CDH13: variants seen among roughly 807,000 people sequenced by gnomAD.
CDH13 encodes cadherin-13.
CDH13 carries 24 observed loss-of-function variants against 63.8 expected under a neutral mutation model. The ratio of observed to expected loss-of-function variants is 0.38; its 90% CI spans 0.27 to 0.53. CDH13 has a LOEUF of 0.53. CDH13 is among the 20% of genes least tolerant of loss of function. The pLI is 0.85. For synonymous variants in CDH13, 503 were observed against 355.3 expected (o/e 1.42, Z -4.67); for missense variants, 1,049 against 903.1 (o/e 1.16, Z -2.07).
intron 8 of CDH13, among the ~76,000 whole-genome samples, chr16:83,615,277 A>T (rs1909192108): frequency 1.3e-5 from 2 of 152,026 alleles, no homozygotes; most frequent in Non-Finnish European, 2.9e-5. Context: ...AACCCCGACC[A>T]CGTAATTACA....
intron 6 of CDH13, among the ~76,000 whole-genome samples, chr16:83,416,344 A>C (rs529047449): frequency 6.6e-6 from 1 of 152,316 alleles, no homozygotes; most frequent in East Asian, 1.9e-4. Flanking sequence ...GATTTAATGC[A>C]ATCAGAATTT....
rs142360751 is a variant in CDH13 at position 83,162,862 on chromosome 16, G to C, written c.483+37361G>C. Among the ~76,000 whole-genome samples the C allele has an allele frequency of 9.9e-4, 150 of 152,214 alleles. 2 individuals carry two copies. In the South Asian group the frequency reaches 0.011, roughly 11 times the overall value. ...TGTTATAGCTGGATTGGGGACTGTT[G>C]AGATGCCTAAATCCCCAACTTGTAG... On this transcript the variant is annotated intron_variant, in intron 4 of 13. Coordinates refer to ENST00000567109, the MANE Select transcript of CDH13 (RefSeq NM_001257.5).
intron 7 of CDH13, among the ~76,000 whole-genome samples, chr16:83,511,093 CAT>C (rs2074548068): frequency 2.3e-5 from 1 of 43,294 alleles, no homozygotes; most frequent in South Asian, 6.1e-4. Context: ...TGCACACACA[CAT>C]GCACACATGC....
In CDH13 at chr16:83,505,531, C is replaced by CT. The variant is rs5818453; in HGVS notation, c.960+18904dup. On this transcript the variant is annotated intron_variant, in intron 7 of 13. Transcript: ENST00000567109. ...AAGCTGATGAGGTTTGTGATTAATC[C>CT]TTTTTTTTTTTTTTTTTTTTTTTTT... 2.1e-4 allele frequency among the ~76,000 whole-genome samples: 20 copies of CT among 97,378 alleles called. 1 individual carries two copies. The highest frequency in any genetic ancestry group is 3.4e-4 in the African/African-American group (8 of 23,854). The allele number at this position is 97,378 out of a possible 152,430, so 63.9% of individuals were successfully genotyped here. A position where few individuals can be genotyped will look rare whatever the true frequency, so the allele number is the denominator to read the frequency against.
chr16:83,232,252 C>T (rs1218218129), intron 5 of CDH13, among the ~76,000 whole-genome samples: 4 of 125,404 alleles, frequency 3.2e-5, no homozygotes, highest in Admixed American at 1.9e-4. Flanking sequence ...AGGCTGGGCA[C>T]GGTGGCTCAT....
intron 6 of CDH13, among the ~76,000 whole-genome samples, chr16:83,418,069 T>A (rs975703081): frequency 6.6e-6 from 1 of 152,188 alleles, no homozygotes; most frequent in Non-Finnish European, 1.5e-5. Context: ...CAGTAGAACA[T>A]GGCAGTTAGG....
intron 7 of CDH13, among the ~76,000 whole-genome samples, chr16:83,549,381 A>G (rs1177716777): frequency 1.3e-5 from 2 of 152,212 alleles, no homozygotes; most frequent in South Asian, 2.1e-4. Context: ...AGAAAGTACC[A>G]CATCAGCGTT....
intron 6 of CDH13, among the ~76,000 whole-genome samples, chr16:83,389,183 A>T (rs1000162793): frequency 1.3e-5 from 2 of 152,260 alleles, no homozygotes; most frequent in African/African-American, 4.8e-5. Flanking sequence ...TTAAAGAAAC[A>T]TAATTTACAA....
Position 82,823,580 on chromosome 16 carries a change from T to G in CDH13, c.46-34782T>G, listed in dbSNP as rs908193889. ...CTAGTTATTTTAAAACGCAGTTATT[T>G]GACTCTGTCCATTAAAGACAATTGA... On this transcript the variant is annotated intron_variant, in intron 1 of 13. Transcript: ENST00000567109. The G allele has an allele frequency of 4.6e-5, 7 of 152,334 alleles. 1 individual carries two copies. The South Asian group carries it at 1.4e-3, about 32-fold the overall frequency. The allele number at this position is 152,334 out of a possible 1,614,324, so 9.4% of individuals were successfully genotyped here.
At chr16:83,141,564 A>C (rs1367426559) in intron 4 of CDH13, among the ~76,000 whole-genome samples, 1 of 152,134 alleles carries the variant, frequency 6.6e-6, no homozygotes, top group East Asian at 1.9e-4. Flanking sequence ...GGTTTGTTAC[A>C]TAGGTATACA....
chr16:83,468,981 C>G (rs1016078819), intron 6 of CDH13, among the ~76,000 whole-genome samples: 3 of 152,114 alleles, frequency 2.0e-5, no homozygotes, highest in Admixed American at 2.0e-4. Flanking sequence ...ATTGCTAAAG[C>G]GAGTTGTATA....
chr16:83,777,307 A>G (rs962212941), intron 11 of CDH13, among the ~76,000 whole-genome samples: 1 of 152,234 alleles, frequency 6.6e-6, no homozygotes, highest in Non-Finnish European at 1.5e-5. Flanking sequence ...AAGGCCCTCC[A>G]GGAGCCCATG....
intron 8 of CDH13, among the ~76,000 whole-genome samples, chr16:83,646,702 AAAAAAAAAAAACAC>A (rs1417707148): frequency 0.01 from 600 of 58,694 alleles, 6 homozygotes; most frequent in Admixed American, 0.025. Context: ...CAAAAAAAAA[AAAAAAAAAAAACAC>A]ACACACACAC....
chr16:83,518,391 C>A (rs551367279), intron 7 of CDH13, among the ~76,000 whole-genome samples: 1 of 151,626 alleles, frequency 6.6e-6, no homozygotes, highest in Admixed American at 6.6e-5. Context: ...GTGATCCACC[C>A]GCCTCGGCCT....
chr16:82,646,911 T>C (rs2150899776), intron 1 of CDH13, among the ~76,000 whole-genome samples: 1 of 152,274 alleles, frequency 6.6e-6, no homozygotes, highest in Admixed American at 6.5e-5. Flanking sequence ...GAGGCTGTTA[T>C]GGGTGACTAT....
chr16:83,300,261 C>T (rs2089702071), intron 5 of CDH13, among the ~76,000 whole-genome samples: 1 of 152,184 alleles, frequency 6.6e-6, no homozygotes, highest in African/African-American at 2.4e-5. Flanking sequence ...AGTTTAAACT[C>T]CTGGAAATTC....
At position 82,674,549 on chromosome 16, in the gene CDH13, G is replaced by A. The variant is rs148757357; in HGVS notation, c.45+47412G>A. Among the ~76,000 whole-genome samples the A allele has an allele frequency of 2.3e-4, 35 of 152,310 alleles. No individual in the cohort carries two copies. The East Asian group carries it at 6.7e-3, about 29-fold the overall frequency. On this transcript the variant is annotated intron_variant, in intron 1 of 13. Coordinates refer to ENST00000567109, the MANE Select transcript of CDH13 (RefSeq NM_001257.5). ...CTGAGTTGAAAATGTCTTCATCCTT[G>A]TATTCTTAATTCATCACCTGAGAAG...
chr16:82,653,887 G>T (rs1911011035), intron 1 of CDH13, among the ~76,000 whole-genome samples: 1 of 152,148 alleles, frequency 6.6e-6, no homozygotes, highest in African/African-American at 2.4e-5. Context: ...GGCCCTGAGA[G>T]AGAAGAGAAG....
intron 6 of CDH13, chr16:83,398,173 A>G (rs922927707): frequency 6.6e-6 from 1 of 152,002 alleles, no homozygotes; most frequent in Non-Finnish European, 1.5e-5. Flanking sequence ...TTAATTTCCT[A>G]GGGCTGCCAT....
Sources: gnomAD v4.1 joint callset for allele counts (sites outside exome capture counted in the v4.1 genomes callset) on GRCh38, gnomAD v4.1.1 for gene constraint, MANE v1.5 for transcripts, NCBI Gene and HGNC (gene_info 2026-07-23, HGNC 2026-07-21) for gene names.